GALNT15: variants seen among roughly 807,000 people sequenced by gnomAD.
The protein encoded by GALNT15 is UDP-GalNAc transferase T15.
GALNT15 carries 67 observed loss-of-function variants against 66.8 expected under a neutral mutation model. The observed-to-expected ratio is 1.00, with a 90% CI of 0.82 to 1.23. The LOEUF is 1.23. Among genes scored for constraint, GALNT15 ranks in the 50% most tolerant of loss-of-function variants. The probability of loss-of-function intolerance (pLI) is 0.00; values close to 1 mark genes in which losing one functional copy is unlikely to be tolerated. For synonymous variants in GALNT15, 313 were observed against 311.5 expected, an observed-to-expected ratio of 1.00 and a Z score of -0.05; for missense variants, 827 against 804.3, an observed-to-expected ratio of 1.03 and a Z score of -0.34.
chr3:16,233,094 C>CTTTTTTTTTTT (rs61516679), downstream of GALNT15, among the ~76,000 whole-genome samples: 146 of 61,178 alleles, frequency 2.4e-3, 28 homozygotes, highest in South Asian at 6.6e-3. Flanking sequence ...GATAATGCAT[C>CTTTTTTTTTTT]TTTTTTTTTT....
At position 16,208,668 on chromosome 3, in the gene GALNT15, C is replaced by A. The variant is rs540396167; in HGVS notation, c.1077C>A (p.Ile359=). 79 of 1,613,384 alleles carry A rather than the reference C, an allele frequency of 4.9e-5. 1 individual carries two copies. In the South Asian group the frequency reaches 8.6e-4, roughly 18 times the overall value. The change falls in exon 4 of 10, where the codon ATC becomes ATA. Residue 359 remains isoleucine (I), a splice_region_variant and synonymous_variant. Coordinates refer to ENST00000339732, the MANE Select transcript of GALNT15 (RefSeq NM_054110.5). The part of the protein sequence containing the change: ...RKALQSPISP[I]RSPVVPGEVV... ...CCCTCCAGTCCCCCATAAGCCCCAT[C>A]AGGTGAGTCCCCATTTCACACCTGC...
At chr3:16,243,509 C>T in the GALNT15 span, among the ~76,000 whole-genome samples, 10 of 152,226 alleles carry the variant, frequency 6.6e-5, no homozygotes, top group South Asian at 1.7e-3. Flanking sequence ...TATGCCCACC[C>T]GCCAGCACCA....
chr3:16,236,807 G>A (rs1236431146), downstream of GALNT15, among the ~76,000 whole-genome samples: 1 of 152,108 alleles, frequency 6.6e-6, no homozygotes, highest in Non-Finnish European at 1.5e-5. Context: ...TTTCTTTGGG[G>A]GACATAAAGA....
intron 1 of GALNT15, among the ~76,000 whole-genome samples, chr3:16,190,911 G>A (rs1476223758): frequency 6.6e-6 from 1 of 152,186 alleles, no homozygotes; most frequent in Non-Finnish European, 1.5e-5. Flanking sequence ...CACAGCTGTC[G>A]GTTTACGTCT....
chr3:16,242,390 T>C, the GALNT15 span, among the ~76,000 whole-genome samples: 79 of 152,250 alleles, frequency 5.2e-4, no homozygotes, highest in African/African-American at 1.8e-3. This position sits in a 1 kb window ranked among gnomAD's most constrained non-coding sequence, Gnocchi z 5.6. Context: ...TGAACTAATC[T>C]CTGTGACCAG....
In GALNT15 at chr3:16,174,857, T is replaced by G; in HGVS notation, c.-295T>G. 2.9e-5 allele frequency: 11 copies of G among 383,444 alleles called. No homozygotes were observed. Among genetic ancestry groups the G allele is most frequent in the East Asian group, 8.6e-5 (2 of 23,342 alleles). The allele number at this position is 383,444 out of a possible 1,614,324, so 23.8% of individuals were successfully genotyped here. Reference sequence around the variant, plus strand: ...TTTTTTCCCAAGGAGAAAACCGGGGTAAAGGGAGGGAAGCAATTCAATTTG... The same window carrying G: ...TTTTTTCCCAAGGAGAAAACCGGGGGAAAGGGAGGGAAGCAATTCAATTTG... On this transcript the variant is annotated 5_prime_UTR_variant, in exon 1 of 10. Coordinates refer to ENST00000339732, the MANE Select transcript of GALNT15 (RefSeq NM_054110.5). This position sits in a 1 kb window ranked among gnomAD's most constrained non-coding sequence, Gnocchi z 4.7.
intron 4 of GALNT15, among the ~76,000 whole-genome samples, chr3:16,210,095 C>T (rs1472224651): frequency 1.3e-5 from 2 of 152,214 alleles, no homozygotes; most frequent in Non-Finnish European, 2.9e-5. Context: ...GAATGCTGAA[C>T]TTGTAACATC....
chr3:16,216,306 T>C (rs1447059537), intron 6 of GALNT15, among the ~76,000 whole-genome samples: 6 of 152,146 alleles, frequency 3.9e-5, no homozygotes, highest in African/African-American at 1.4e-4. Context: ...AAGACCAGCC[T>C]GGGCAACATG....
chr3:16,242,611 A>G, the GALNT15 span, among the ~76,000 whole-genome samples: 2 of 152,072 alleles, frequency 1.3e-5, no homozygotes, highest in African/African-American at 4.8e-5. The surrounding 1 kb of genome is among the most constrained non-coding windows in gnomAD (Gnocchi z 5.6). Flanking sequence ...AAAATAAAAT[A>G]AAATAAAAGT....
At chr3:16,202,133 G>A (rs1018107066) in intron 3 of GALNT15, among the ~76,000 whole-genome samples, 11 of 152,260 alleles carry the variant, frequency 7.2e-5, no homozygotes, top group Admixed American at 5.2e-4. Context: ...GCCAAATGGA[G>A]ATGGTTTCAA....
intron 6 of GALNT15, among the ~76,000 whole-genome samples, chr3:16,216,873 C>T (rs1299605926): frequency 6.6e-6 from 1 of 152,236 alleles, no homozygotes; most frequent in Non-Finnish European, 1.5e-5. Context: ...CTCCTGAGAT[C>T]ATATCGGGAA....
rs376097950 is a variant in GALNT15, at chr3:16,198,944, TG to T, written c.707-1668del. Among the ~76,000 whole-genome samples the T allele has an allele frequency of 2.1e-5, 3 of 141,982 alleles. 1 individual carries two copies. The highest frequency in any genetic ancestry group is 4.7e-5 in the Non-Finnish European group (3 of 64,086). 93.1% of individuals were successfully genotyped at this position (141,982 alleles called of 152,430 possible). ...TAAGGCCACCTCTGGGCTGGGGAAC[TG>T]GGGGGGAAATTCTTGCTTTTTGGCT... On this transcript the variant is annotated intron_variant, in intron 2 of 9. Transcript: ENST00000339732.
rs1325554143 is a variant in GALNT15 at position 16,176,711 on chromosome 3, T to C, written c.539+1021T>C. Among the ~76,000 whole-genome samples the C allele has an allele frequency of 1.3e-5, 2 of 152,210 alleles. No individual in the cohort carries two copies. The highest frequency in any genetic ancestry group is 2.9e-5 in the Non-Finnish European group (2 of 68,040). ...TTTAGTTTGGTGATTTAGGTCCCTT[T>C]TCCTATAGGCCATTGCTCCTCCCAG... On this transcript the variant is annotated intron_variant, in intron 1 of 9. Coordinates refer to ENST00000339732, the MANE Select transcript of GALNT15 (RefSeq NM_054110.5). The surrounding 1 kb of genome is among the most constrained non-coding windows in gnomAD (Gnocchi z 5.6).
Position 16,195,782 on chromosome 3 carries a change from G to T in GALNT15, c.562G>T (p.Asp188Tyr). ...HPLCLQQHPQ[D>Y]SLPTASVILC... ...CAGGTGTCTGCAGCAGCACCCTCAG[G>T]ACAGCCTGCCCACAGCCAGCGTCAT... Residue 188 changes from aspartate (D) to tyrosine (Y), a missense_variant, in exon 2 of 10, where the codon GAC (aspartate) becomes TAC (tyrosine). By Grantham distance (160) the Asp-to-Tyr change is radical. Transcript: ENST00000339732. This position sits in a 1 kb window ranked among gnomAD's most constrained non-coding sequence, Gnocchi z 4.6. 6.2e-7 allele frequency: 1 copy of T among 1,613,514 alleles called. No individual in the cohort carries two copies. Among genetic ancestry groups the T allele is most frequent in the Non-Finnish European group, 8.5e-7 (1 of 1,179,684 alleles).
Position 16,195,717 on chromosome 3 carries a change from T to C in GALNT15, c.540-43T>C. Reference sequence around the variant, plus strand: ...GTTAGAGGGTGTGGAGTGTTTCTTGTGGCCTTCTCTTCCCCATGGCTCTCT... The same window carrying C: ...GTTAGAGGGTGTGGAGTGTTTCTTGCGGCCTTCTCTTCCCCATGGCTCTCT... On this transcript the variant is annotated intron_variant, in intron 1 of 9. Coordinates refer to ENST00000339732, the MANE Select transcript of GALNT15 (RefSeq NM_054110.5). The surrounding 1 kb of genome is among the most constrained non-coding windows in gnomAD (Gnocchi z 4.6). 6.3e-7 allele frequency: 1 copy of C among 1,575,334 alleles called. No individual in the cohort carries two copies. Among genetic ancestry groups the C allele is most frequent in the Non-Finnish European group, 8.7e-7 (1 of 1,153,422 alleles).
At chr3:16,190,465 C>T (rs2063562934) in intron 1 of GALNT15, among the ~76,000 whole-genome samples, 2 of 151,998 alleles carry the variant, frequency 1.3e-5, no homozygotes, top group Non-Finnish European at 2.9e-5. Context: ...GGTGAAACCC[C>T]GTCTCTACTA....
Position 16,189,919 on chromosome 3 carries a change from A to G in GALNT15, c.540-5841A>G, listed in dbSNP as rs929144249. Among the ~76,000 whole-genome samples the G allele has an allele frequency of 3.9e-5, 6 of 152,210 alleles. No homozygotes were observed. The highest frequency in any genetic ancestry group is 7.3e-5 in the Non-Finnish European group (5 of 68,034). ...GGTCTGGAGACTGTTGAAAGCAAGG[A>G]TAGTTCTCAGAGAGCTTATGGTACT... On this transcript the variant is annotated intron_variant, in intron 1 of 9. Transcript: ENST00000339732. The surrounding 1 kb of genome is among the most constrained non-coding windows in gnomAD (Gnocchi z 5.1).
chr3:16,215,916 A>AAAACAAAAAAAAAAAAAAAAAAAAC (rs1553687146), intron 6 of GALNT15, among the ~76,000 whole-genome samples: 1 of 143,454 alleles, frequency 7.0e-6, no homozygotes, highest in South Asian at 2.5e-4. Flanking sequence ...CAAAAAAAAA[A>AAAACAAAAAAAAAAAAAAAAAAAAC]AAAAAAAAAG....
Position 16,219,857 on chromosome 3 carries a change from G to A in GALNT15, c.1525-53G>A. On this transcript the variant is annotated intron_variant, in intron 7 of 9. Transcript: ENST00000339732. The surrounding 1 kb of genome is among the most constrained non-coding windows in gnomAD (Gnocchi z 4.3). ...GCAAAGGAATGGTGTCTGACCGAGGGTGTCTTTACAGTGGAATCTGGAATT... is the reference window on the plus strand; with the variant it reads ...GCAAAGGAATGGTGTCTGACCGAGGATGTCTTTACAGTGGAATCTGGAATT... 7.1e-7 allele frequency: 1 copy of A among 1,398,948 alleles called. No individual in the cohort carries two copies. Among genetic ancestry groups the A allele is most frequent in the Non-Finnish European group, 1.0e-6 (1 of 984,626 alleles). 86.7% of individuals were successfully genotyped at this position (1,398,948 alleles called of 1,614,324 possible). A position where few individuals can be genotyped will look rare whatever the true frequency, so the allele number is the denominator to read the frequency against.
Sources: allele counts gnomAD v4.1 joint callset (sites outside exome capture counted in the v4.1 genomes callset), GRCh38; gene constraint gnomAD v4.1.1; non-coding constraint Gnocchi (gnomAD v3.1); transcripts MANE v1.5; gene names NCBI Gene and HGNC (gene_info 2026-07-23, HGNC 2026-07-21).